MAN1C1: variants seen among roughly 807,000 people sequenced by gnomAD.
MAN1C1 encodes mannosidase alpha class 1C member 1.
Under a neutral mutation model 71.5 loss-of-function variants are expected in MAN1C1, and 49 were observed. The ratio of observed to expected loss-of-function variants is 0.69; its 90% CI spans 0.54 to 0.87. The LOEUF is 0.87. Among genes scored for constraint, MAN1C1 ranks in the 40% least tolerant of loss-of-function variants. MAN1C1 has a pLI of 0.00. For synonymous variants in MAN1C1, 352 were observed against 343.7 expected, an observed-to-expected ratio of 1.02 and a Z score of -0.27; for missense variants, 743 against 835.0, an observed-to-expected ratio of 0.89 and a Z score of 1.36.
At chr1:25,702,391 G>A (rs974307967) in intron 2 of MAN1C1, among the ~76,000 whole-genome samples, 1 of 152,196 alleles carries the variant, frequency 6.6e-6, no homozygotes, top group South Asian at 2.1e-4. Flanking sequence ...GGAGAGGCAC[G>A]CTCCCTGGGC....
In MAN1C1 at chr1:25,735,492, ATATGTGTGTATG is replaced by A. The variant is rs1462949533; in HGVS notation, c.638-11166_638-11155del. Among the ~76,000 whole-genome samples, 1 of 152,104 alleles carries A rather than the reference ATATGTGTGTATG, an allele frequency of 6.6e-6. No individual in the cohort carries two copies. Among genetic ancestry groups the A allele is most frequent in the Non-Finnish European group, 1.5e-5 (1 of 68,018 alleles). ...TATATGTGTATGTATATATGTGTGT[ATATGTGTGTATG>A]TATGTGTGTGTATATATATGTGTAT... On this transcript the variant is annotated intron_variant, in intron 2 of 11. Transcript: ENST00000374332. This position sits in a 1 kb window ranked among gnomAD's most constrained non-coding sequence, Gnocchi z 4.6.
intron 7 of MAN1C1, among the ~76,000 whole-genome samples, chr1:25,770,270 C>T (rs930937277): frequency 6.6e-6 from 1 of 152,192 alleles, no homozygotes; most frequent in Non-Finnish European, 1.5e-5. Flanking sequence ...CTTGTCTGTT[C>T]CAATTTTTGC....
chr1:25,717,873 G>A (rs915338655), intron 2 of MAN1C1, among the ~76,000 whole-genome samples: 5 of 152,090 alleles, frequency 3.3e-5, no homozygotes, highest in Non-Finnish European at 5.9e-5. Flanking sequence ...CCCATTTTCC[G>A]TTCTTACCAG....
At chr1:25,741,587 A>C (rs1053159090) in intron 2 of MAN1C1, among the ~76,000 whole-genome samples, 1 of 152,160 alleles carries the variant, frequency 6.6e-6, no homozygotes, top group African/African-American at 2.4e-5. Context: ...ATAAAGTGAC[A>C]GGGACAGGGA....
Position 25,783,824 on chromosome 1 carries a change from G to C in MAN1C1, c.*35G>C. 2 of 1,599,396 alleles carry C rather than the reference G, an allele frequency of 1.3e-6. No individual in the cohort carries two copies. Among genetic ancestry groups the C allele is most frequent in the Non-Finnish European group, 1.7e-6 (2 of 1,176,606 alleles). ...CTGCCGCCGCCCTGGGGCCGCCGCA[G>C]GGATGCCTTGCCTTTTCAGGATTTG... On this transcript the variant is annotated 3_prime_UTR_variant, in exon 12 of 12. Coordinates refer to ENST00000374332, the MANE Select transcript of MAN1C1 (RefSeq NM_020379.4).
intron 1 of MAN1C1, among the ~76,000 whole-genome samples, chr1:25,682,347 A>T (rs532209432): frequency 3.4e-4 from 52 of 152,340 alleles, no homozygotes; most frequent in African/African-American, 1.1e-3. Flanking sequence ...GCATGGAATG[A>T]TAGGCAGAGT....
chr1:25,754,800 T>G (rs1030455541), intron 5 of MAN1C1, among the ~76,000 whole-genome samples: 1 of 152,228 alleles, frequency 6.6e-6, no homozygotes, highest in African/African-American at 2.4e-5. Context: ...AGGGACCTGA[T>G]CTGACACGAA....
At chr1:25,674,258 A>C (rs923741857) in intron 1 of MAN1C1, among the ~76,000 whole-genome samples, 4 of 152,204 alleles carry the variant, frequency 2.6e-5, no homozygotes, top group African/African-American at 9.6e-5. Flanking sequence ...GCCACTGGGC[A>C]GTGAGTGCTT....
intron 2 of MAN1C1, 61 bp downstream of exon 2, chr1:25,686,597 T>C (rs928427475): frequency 1.0e-4 from 147 of 1,471,488 alleles, no homozygotes; most frequent in Non-Finnish European, 1.4e-4. Context: ...AGTGGCCGAG[T>C]GGAATTTTAC....
intron 2 of MAN1C1, chr1:25,710,188 G>C (rs1010653114): frequency 5.3e-5 from 8 of 152,262 alleles, no homozygotes; most frequent in Non-Finnish European, 8.8e-5. Flanking sequence ...GGGTCAGACA[G>C]CTGGGGTGGG....
At chr1:25,714,252 A>G (rs1394574080) in intron 2 of MAN1C1, among the ~76,000 whole-genome samples, 2 of 152,200 alleles carry the variant, frequency 1.3e-5, no homozygotes, top group African/African-American at 2.4e-5. Context: ...AAAGTCAGTC[A>G]GTTGTCTTGG....
At chr1:25,638,725 T>TTTC (rs576333481) in intron 1 of MAN1C1, among the ~76,000 whole-genome samples, 54 of 152,270 alleles carry the variant, frequency 3.5e-4, no homozygotes, top group African/African-American at 1.3e-3. Flanking sequence ...GCCTGAATTC[T>TTTC]TTCTGATGAG....
chr1:25,731,262 A>G (rs1006490940), intron 2 of MAN1C1, among the ~76,000 whole-genome samples: 1 of 152,198 alleles, frequency 6.6e-6, no homozygotes, highest in Non-Finnish European at 1.5e-5. Context: ...GTGAGCTGTG[A>G]TCGTGCCACT....
At chr1:25,717,285 T>G (rs2124265159) in intron 2 of MAN1C1, among the ~76,000 whole-genome samples, 1 of 152,168 alleles carries the variant, frequency 6.6e-6, no homozygotes, top group South Asian at 2.1e-4. Context: ...CTGAGGTGGG[T>G]GGATCACTTG....
intron 1 of MAN1C1, among the ~76,000 whole-genome samples, chr1:25,672,661 A>G (rs2046008610): frequency 6.6e-6 from 1 of 152,196 alleles, no homozygotes; most frequent in South Asian, 2.1e-4. Flanking sequence ...CCTCTCCCCA[A>G]GTCAGCTGAT....
intron 2 of MAN1C1, among the ~76,000 whole-genome samples, chr1:25,695,803 T>TC (rs1162088746): frequency 1.3e-5 from 2 of 152,222 alleles, no homozygotes; most frequent in Non-Finnish European, 2.9e-5. Context: ...TGGGTTCGTG[T>TC]CCCCGCTCTG....
At chr1:25,733,802 A>AT (rs1475281624) in intron 2 of MAN1C1, among the ~76,000 whole-genome samples, 3 of 150,960 alleles carry the variant, frequency 2.0e-5, no homozygotes, top group African/African-American at 7.4e-5. Flanking sequence ...TATTATTTTT[A>AT]TTTTTATTTT....
At chr1:25,781,588 C>T (rs185591331) in intron 10 of MAN1C1, among the ~76,000 whole-genome samples, 297 of 152,312 alleles carry the variant, frequency 1.9e-3, no homozygotes, top group African/African-American at 7.0e-3. Flanking sequence ...GCCTCCGGCC[C>T]CACACCTAGG....
At chr1:25,628,592 G>A (rs2045333734) in intron 1 of MAN1C1, among the ~76,000 whole-genome samples, 1 of 152,164 alleles carries the variant, frequency 6.6e-6, no homozygotes, top group African/African-American at 2.4e-5. Flanking sequence ...ATAGGTGTGA[G>A]CCACCACACC....
Sources: gnomAD v4.1 joint callset for allele counts (sites outside exome capture counted in the v4.1 genomes callset) on GRCh38, gnomAD v4.1.1 for gene constraint, Gnocchi (gnomAD v3.1) non-coding constraint, MANE v1.5 for transcripts, NCBI Gene and HGNC (gene_info 2026-07-23, HGNC 2026-07-21) for gene names.